Variants in TMC1 observed in about 807,000 individuals in gnomAD.
The protein encoded by TMC1 is transmembrane channel-like protein 1.
TMC1 carries 84 observed loss-of-function variants against 105.8 expected under a neutral mutation model. The observed-to-expected ratio is 0.79, with a 90% CI of 0.67 to 0.95. The LOEUF is 0.95. Among genes scored for constraint, TMC1 ranks in the 40% least tolerant of loss-of-function variants. TMC1 has a pLI of 0.00. For synonymous variants in TMC1, 315 were observed against 311.5 expected (o/e 1.01, Z -0.12); for missense variants, 817 against 914.1 (o/e 0.89, Z 1.37).
chr9:72,522,153 A>AGTTTTTTTTT (rs1554708740), intron 1 of TMC1, among the ~76,000 whole-genome samples: 1 of 145,336 alleles, frequency 6.9e-6, no homozygotes, highest in Admixed American at 6.8e-5. Flanking sequence ...GTAATTGATA[A>AGTTTTTTTTT]GTTTTTTTTT....
At chr9:72,692,294 G>T (rs912919163) in intron 6 of TMC1, among the ~76,000 whole-genome samples, 1 of 152,196 alleles carries the variant, frequency 6.6e-6, no homozygotes, top group Non-Finnish European at 1.5e-5. Flanking sequence ...CCCAGGGAGA[G>T]ACTGGGAGAT....
intron 8 of TMC1, among the ~76,000 whole-genome samples, chr9:72,714,689 A>G (rs1826890226): frequency 6.6e-6 from 1 of 152,138 alleles, no homozygotes; most frequent in Admixed American, 6.5e-5. Flanking sequence ...TCCTGAATAC[A>G]GCACACCAAT....
At chr9:72,754,727 CAT>C (rs1202053545) in intron 11 of TMC1, 57 bp from the exon 12 acceptor site, 4 of 1,323,172 alleles carry the variant, frequency 3.0e-6, no homozygotes, top group South Asian at 1.2e-5. Flanking sequence ...TTTGTGATCA[CAT>C]GTGTGGCTCA....
chr9:72,774,374 A>G (rs1827976577), intron 13 of TMC1, among the ~76,000 whole-genome samples: 1 of 152,186 alleles, frequency 6.6e-6, no homozygotes, highest in South Asian at 2.1e-4. Flanking sequence ...TTTAACGAAC[A>G]ATCAATATAA....
chr9:72,770,879 T>C (rs1401850004), intron 12 of TMC1, among the ~76,000 whole-genome samples: 1 of 152,146 alleles, frequency 6.6e-6, no homozygotes, highest in East Asian at 1.9e-4. Context: ...TTCTTCCTTT[T>C]GTTCTTCCTC....
At chr9:72,670,505 T>A (rs1826111862) in intron 5 of TMC1, among the ~76,000 whole-genome samples, 1 of 152,168 alleles carries the variant, frequency 6.6e-6, no homozygotes. Flanking sequence ...ATGTCTAATA[T>A]GCAACCAAAT....
chr9:72,538,638 C>G (rs757345625), intron 1 of TMC1, among the ~76,000 whole-genome samples: 4 of 152,108 alleles, frequency 2.6e-5, no homozygotes, highest in Admixed American at 6.5e-5. Context: ...GGGGTTTCAC[C>G]ATGTTGGCCA....
chr9:72,646,749 A>C (rs1333314145), intron 4 of TMC1, among the ~76,000 whole-genome samples: 1 of 151,958 alleles, frequency 6.6e-6, no homozygotes, highest in African/African-American at 2.4e-5. Context: ...TAACATATGA[A>C]GTATCTGTTC....
chr9:72,643,828 G>T (rs1825666688), intron 4 of TMC1, among the ~76,000 whole-genome samples: 1 of 152,140 alleles, frequency 6.6e-6, no homozygotes, highest in Non-Finnish European at 1.5e-5. Flanking sequence ...GTAGATGTAT[G>T]TTTAACTTTT....
At chr9:72,796,529 C>T (rs904817893) in intron 17 of TMC1, among the ~76,000 whole-genome samples, 1 of 152,178 alleles carries the variant, frequency 6.6e-6, no homozygotes, top group African/African-American at 2.4e-5. Context: ...CCACCACAAT[C>T]AAGTAGGCGT....
chr9:72,801,667 A>T (rs1828474550), intron 17 of TMC1, among the ~76,000 whole-genome samples: 1 of 152,172 alleles, frequency 6.6e-6, no homozygotes, highest in South Asian at 2.1e-4. Context: ...TTTAACTAAC[A>T]TCACGTGTGC....
At chr9:72,532,541 C>CAAAAAAAAAAA (rs59010604) in intron 1 of TMC1, among the ~76,000 whole-genome samples, 2 of 75,522 alleles carry the variant, frequency 2.6e-5, no homozygotes, top group African/African-American at 9.5e-5. Flanking sequence ...GACTCCGTCT[C>CAAAAAAAAAAA]AAAAAAAAAA....
At chr9:72,602,175 G>C (rs1222646382) in intron 2 of TMC1, among the ~76,000 whole-genome samples, 1 of 152,016 alleles carries the variant, frequency 6.6e-6, no homozygotes, top group African/African-American at 2.4e-5. Context: ...GACCTTACTT[G>C]TTGTAGCTCG....
intron 8 of TMC1, among the ~76,000 whole-genome samples, chr9:72,732,594 T>C (rs1442061946): frequency 1.3e-5 from 2 of 152,038 alleles, no homozygotes; most frequent in Non-Finnish European, 2.9e-5. Context: ...ATAAATATCT[T>C]TGGATAATAA....
chr9:72,777,838 C>T (rs995581668), intron 13 of TMC1, among the ~76,000 whole-genome samples: 1 of 152,164 alleles, frequency 6.6e-6, no homozygotes, highest in Non-Finnish European at 1.5e-5. Context: ...ATGTGGTATG[C>T]ATTTATTATA....
Position 72,601,179 on chromosome 9 carries a change from C to CACACAG in TMC1, c.-305-15184_-305-15183insGACACA, listed in dbSNP as rs1259733313. On this transcript the variant is annotated intron_variant, in intron 2 of 23. Transcript: ENST00000297784. Reference sequence around the variant, plus strand: ...GCAAGACACTGTTTCTACACACACACACACACACACACACAGACACACACA... The same window carrying CACACAG: ...GCAAGACACTGTTTCTACACACACACACACAGACACACACACACACAGACACACACA... Among the ~76,000 whole-genome samples the CACACAG allele has an allele frequency of 8.2e-4, 110 of 134,480 alleles. 1 individual carries two copies. The highest frequency in any genetic ancestry group is 3.2e-3 in the African/African-American group (101 of 31,398). 88.2% of individuals were successfully genotyped at this position (134,480 alleles called of 152,430 possible). A position where few individuals can be genotyped will look rare whatever the true frequency, so the allele number is the denominator to read the frequency against.
chr9:72,834,031 T>G (rs1252161604), intron 23 of TMC1, among the ~76,000 whole-genome samples: 2 of 151,836 alleles, frequency 1.3e-5, no homozygotes, highest in Admixed American at 1.3e-4. Flanking sequence ...TTTTCTGTTT[T>G]TTTTTTTTTC....
intron 1 of TMC1, among the ~76,000 whole-genome samples, chr9:72,571,092 G>C (rs568110136): frequency 6.7e-6 from 1 of 149,168 alleles, no homozygotes; most frequent in South Asian, 2.2e-4. Flanking sequence ...GGAGGCCAAG[G>C]CAGGCGGATC....
At chr9:72,646,645 T>A (rs1049998277) in intron 4 of TMC1, among the ~76,000 whole-genome samples, 1 of 151,890 alleles carries the variant, frequency 6.6e-6, no homozygotes, top group Admixed American at 6.6e-5. Context: ...TTTATTTATT[T>A]TTTTTTGAGA....
Sources: gnomAD v4.1 joint callset for allele counts (sites outside exome capture counted in the v4.1 genomes callset) on GRCh38, gnomAD v4.1.1 for gene constraint, MANE v1.5 for transcripts, NCBI Gene and HGNC (gene_info 2026-07-23, HGNC 2026-07-21) for gene names.